The following ADGRB3 variants were observed in gnomAD, a reference collection of about 807,000 sequenced individuals.
ADGRB3 encodes adhesion G protein-coupled receptor B3.
ADGRB3 carries 37 observed loss-of-function variants against 193.4 expected under a neutral mutation model. The ratio of observed to expected loss-of-function variants is 0.19; its 90% CI spans 0.15 to 0.25. ADGRB3 has a LOEUF of 0.25. ADGRB3 is among the 10% of genes least tolerant of loss of function. The probability of loss-of-function intolerance (pLI) is 1.00; values close to 1 mark genes in which losing one functional copy is unlikely to be tolerated. For synonymous variants in ADGRB3, 690 were observed against 644.2 expected (o/e 1.07, Z -1.08); for missense variants, 1,637 against 1,852.9 (o/e 0.88, Z 2.14).
chr6:68,908,246 C>A lies in ADGRB3; in HGVS notation c.758-22313C>A, dbSNP rs139497742. ...TGATCGATGACCAATTCTAAGGTTTCTTTTTTTCTAATTAACTTATTTCTT... is the reference window on the plus strand; with the variant it reads ...TGATCGATGACCAATTCTAAGGTTTATTTTTTTCTAATTAACTTATTTCTT... On this transcript the variant is annotated intron_variant, in intron 3 of 31. Coordinates refer to ENST00000370598, the MANE Select transcript of ADGRB3 (RefSeq NM_001704.3). 7.7e-3 allele frequency among the ~76,000 whole-genome samples: 1,166 copies of A among 152,026 alleles called. 8 individuals are homozygous for A. The highest frequency in any genetic ancestry group is 0.014 in the Non-Finnish European group (973 of 67,898).
intron 26 of ADGRB3, among the ~76,000 whole-genome samples, chr6:69,345,538 T>C (rs188697857): frequency 3.5e-4 from 53 of 152,230 alleles, no homozygotes; most frequent in African/African-American, 1.1e-3. Context: ...GAAAAGGCCT[T>C]CGATAAAATT....
chr6:68,857,855 T>G (rs147415820), intron 3 of ADGRB3, among the ~76,000 whole-genome samples: 45 of 152,310 alleles, frequency 3.0e-4, no homozygotes, highest in African/African-American at 1.1e-3. Context: ...TTTCCACTTG[T>G]TGTGGGAGAG....
chr6:69,248,034 G>C (rs190297607), intron 20 of ADGRB3, among the ~76,000 whole-genome samples: 1 of 152,238 alleles, frequency 6.6e-6, no homozygotes, highest in East Asian at 1.9e-4. Flanking sequence ...TTTATGCAGA[G>C]ATATCCAAAA....
At chr6:69,010,933 A>G (rs1769914878) in intron 11 of ADGRB3, among the ~76,000 whole-genome samples, 1 of 152,018 alleles carries the variant, frequency 6.6e-6, no homozygotes. Context: ...GTTTTAAAAG[A>G]ACACTGGCAA....
chr6:69,223,989 T>C (rs1242154745), intron 17 of ADGRB3, among the ~76,000 whole-genome samples: 1 of 151,960 alleles, frequency 6.6e-6, no homozygotes, highest in Non-Finnish European at 1.5e-5. Flanking sequence ...AATTTTTTTT[T>C]TCAGATTGCA....
intron 6 of ADGRB3, among the ~76,000 whole-genome samples, chr6:68,948,420 G>T (rs1041122518): frequency 1.6e-4 from 25 of 151,944 alleles, no homozygotes; most frequent in African/African-American, 6.0e-4. Context: ...TATTTAACAG[G>T]AGAAAAGTGT....
chr6:69,330,262 A>G lies in ADGRB3; in HGVS notation c.3036-244A>G, dbSNP rs567776012. 2.0e-4 allele frequency among the ~76,000 whole-genome samples: 30 copies of G among 152,362 alleles called. No individual in the cohort carries two copies. In the East Asian group the frequency reaches 5.8e-3, roughly 29 times the overall value. On this transcript the variant is annotated intron_variant, in intron 22 of 31. Transcript: ENST00000370598. ...ATAGTAATTTGTCTAAAATGTTTCA[A>G]CTGCCTGAAAGTAAAACCTTGTAAT...
chr6:68,847,015 C>G (rs1768290756), intron 3 of ADGRB3, among the ~76,000 whole-genome samples: 1 of 152,204 alleles, frequency 6.6e-6, no homozygotes, highest in African/African-American at 2.4e-5. Flanking sequence ...GAACCCACCT[C>G]TTGCATCAGC....
At chr6:69,265,714 C>T (rs1185043669) in intron 20 of ADGRB3, among the ~76,000 whole-genome samples, 1 of 151,946 alleles carries the variant, frequency 6.6e-6, no homozygotes, top group Non-Finnish European at 1.5e-5. Context: ...AATAGAATTG[C>T]TCCTGGCCAC....
chr6:68,758,281 C>T (rs1446398051), intron 3 of ADGRB3, among the ~76,000 whole-genome samples: 1 of 152,028 alleles, frequency 6.6e-6, no homozygotes, highest in Non-Finnish European at 1.5e-5. Context: ...CCACTATCAC[C>T]ACTATCATCC....
intron 3 of ADGRB3, among the ~76,000 whole-genome samples, chr6:68,690,982 T>C (rs780470073): frequency 1.3e-5 from 2 of 152,170 alleles, no homozygotes; most frequent in Non-Finnish European, 2.9e-5. Flanking sequence ...ATTTTTTTTC[T>C]GACAACTGAA....
chr6:68,828,393 A>T (rs1192190692), intron 3 of ADGRB3, among the ~76,000 whole-genome samples: 1 of 152,200 alleles, frequency 6.6e-6, no homozygotes, highest in Non-Finnish European at 1.5e-5. Context: ...TTATTTAGAC[A>T]TTCAAAACTA....
chr6:68,784,812 G>T (rs1041284943), intron 3 of ADGRB3, among the ~76,000 whole-genome samples: 1 of 152,086 alleles, frequency 6.6e-6, no homozygotes, highest in African/African-American at 2.4e-5. Context: ...TGTTAAAATG[G>T]AGGTAGCTGT....
chr6:69,221,464 C>T (rs1265005351), intron 17 of ADGRB3, among the ~76,000 whole-genome samples: 2 of 152,150 alleles, frequency 1.3e-5, no homozygotes, highest in Non-Finnish European at 2.9e-5. Flanking sequence ...TGGCAAATGA[C>T]TGGCTGGCCA....
chr6:68,834,915 A>AT (rs928870983), intron 3 of ADGRB3, among the ~76,000 whole-genome samples: 77 of 150,586 alleles, frequency 5.1e-4, no homozygotes, highest in Non-Finnish European at 6.1e-4. Flanking sequence ...GAATGTAAGT[A>AT]TTTTTTTTTT....
Position 68,980,077 on chromosome 6 carries a change from G to A in ADGRB3, c.1734+4737G>A, listed in dbSNP as rs540283228. Among the ~76,000 whole-genome samples the A allele has an allele frequency of 1.9e-3, 293 of 151,578 alleles. 9 individuals carry two copies. Among genetic ancestry groups the A allele is most frequent in the Admixed American group, 5.1e-3 (77 of 15,170 alleles). On this transcript the variant is annotated intron_variant, in intron 10 of 31. Transcript: ENST00000370598. ...GAGTGAGTGATGAAGATGGAGAAAG[G>A]CTAAAGATACTACTCTAATGGAAGC...
rs568530093 is a variant in ADGRB3, at chr6:69,360,100, C to T, written c.3596-769C>T. Among the ~76,000 whole-genome samples, 5 of 151,878 alleles carry T rather than the reference C, an allele frequency of 3.3e-5. No individual in the cohort carries two copies. The East Asian group carries it at 9.7e-4, about 29-fold the overall frequency. ...TGTTCCCTTTCATACTACAAGTTAT[C>T]ATAGATTTTTTTCCCTAAATCATTA... On this transcript the variant is annotated intron_variant, in intron 28 of 31. Transcript: ENST00000370598.
Position 68,819,026 on chromosome 6 carries a change from A to T in ADGRB3, c.758-111533A>T, listed in dbSNP as rs185603471. ...TTTTACAGCTGTCATCTGTTGCAGC[A>T]ACAATGGTTAAATGAATGGAATATT... On this transcript the variant is annotated intron_variant, in intron 3 of 31. Coordinates refer to ENST00000370598, the MANE Select transcript of ADGRB3 (RefSeq NM_001704.3). 2.6e-5 allele frequency among the ~76,000 whole-genome samples: 4 copies of T among 152,254 alleles called. No homozygotes were observed. In the East Asian group the frequency reaches 7.7e-4, roughly 29 times the overall value.
intron 6 of ADGRB3, among the ~76,000 whole-genome samples, chr6:68,948,216 T>C (rs1187221373): frequency 6.6e-6 from 1 of 152,176 alleles, no homozygotes; most frequent in Middle Eastern, 3.2e-3. Context: ...TGTTTTTGTC[T>C]TTTAAGTGTC....
Sources: gnomAD v4.1 joint callset for allele counts (sites outside exome capture counted in the v4.1 genomes callset) on GRCh38, gnomAD v4.1.1 for gene constraint, MANE v1.5 for transcripts, NCBI Gene and HGNC (gene_info 2026-07-23, HGNC 2026-07-21) for gene names.